The following HIVEP3 variants were observed in gnomAD, a reference collection of about 807,000 sequenced individuals.
HIVEP3 encodes HIVEP zinc finger 3, also known as transcription factor HIVEP3.
In HIVEP3, 49 loss-of-function variants were observed where a neutral mutation model predicts 152.8. The observed-to-expected ratio is 0.32, with a 90% CI of 0.26 to 0.41. HIVEP3 has a LOEUF of 0.41. Ranked by LOEUF, HIVEP3 falls within the 10% of genes least tolerant of loss-of-function variation. HIVEP3 has a pLI of 1.00. For synonymous variants in HIVEP3, 1,269 were observed against 1,289.0 expected, an observed-to-expected ratio of 0.98 and a Z score of 0.33; for missense variants, 2,790 against 3,103.3, an observed-to-expected ratio of 0.90 and a Z score of 2.40.
chr1:41,575,669 A>C lies in HIVEP3; in HGVS notation c.5082T>G (p.Val1694=), dbSNP rs377313064. 2 of 1,613,986 alleles carry C rather than the reference A, an allele frequency of 1.2e-6. No individual in the cohort carries two copies. The highest frequency in any genetic ancestry group is 2.7e-5 in the African/African-American group (2 of 74,918). The change falls in exon 5 of 9, where the codon GTT becomes GTG. Residue 1694 remains valine (V), a synonymous_variant. Coordinates refer to ENST00000372583, the MANE Select transcript of HIVEP3 (RefSeq NM_024503.5). ...CTAGATCTTTCTGGCCTTCCGGGGAAACCAGTGAAGGGAGGTGAACCTGGC... is the reference window on the plus strand; with the variant it reads ...CTAGATCTTTCTGGCCTTCCGGGGACACCAGTGAAGGGAGGTGAACCTGGC... ...RMTEVHLPSL[V]SPEGQKDLAR...
chr1:41,634,872 A>T (rs1267423095), intron 2 of HIVEP3, among the ~76,000 whole-genome samples: 1 of 152,188 alleles, frequency 6.6e-6, no homozygotes, highest in African/African-American at 2.4e-5. Flanking sequence ...AATCACAAGG[A>T]GGAGGTAAAG....
At chr1:41,673,971 C>G (rs930327855) in intron 2 of HIVEP3, among the ~76,000 whole-genome samples, 1 of 152,226 alleles carries the variant, frequency 6.6e-6, no homozygotes, top group African/African-American at 2.4e-5. Context: ...GAAAAGGAAA[C>G]AGGCACAGAG....
intron 5 of HIVEP3, among the ~76,000 whole-genome samples, chr1:41,568,894 T>A (rs1644209722): frequency 1.3e-5 from 2 of 152,168 alleles, no homozygotes; most frequent in African/African-American, 4.8e-5. Flanking sequence ...AGATGGGGCC[T>A]GGTGGGAGGT....
intron 1 of HIVEP3, among the ~76,000 whole-genome samples, chr1:41,769,816 A>G (rs1000850622): frequency 9.9e-5 from 15 of 152,244 alleles, no homozygotes; most frequent in Admixed American, 9.2e-4. Flanking sequence ...AAATAAATGG[A>G]TAAATGGGGA....
At chr1:41,619,822 G>A (rs1027728253) in intron 3 of HIVEP3, among the ~76,000 whole-genome samples, 14 of 152,126 alleles carry the variant, frequency 9.2e-5, no homozygotes, top group African/African-American at 1.2e-4. Flanking sequence ...AACCAGCCCC[G>A]GTAGAGCAGC....
intron 1 of HIVEP3, among the ~76,000 whole-genome samples, chr1:42,010,555 A>T (rs183919763): frequency 6.6e-6 from 1 of 152,292 alleles, no homozygotes; most frequent in Admixed American, 6.5e-5. Flanking sequence ...TTCAAAGGAA[A>T]GTAGGGCACT....
At chr1:41,596,190 C>G (rs1644663388) in intron 3 of HIVEP3, among the ~76,000 whole-genome samples, 2 of 152,124 alleles carry the variant, frequency 1.3e-5, no homozygotes, top group Non-Finnish European at 2.9e-5. Context: ...CTCATTATGT[C>G]AAGCAGATCT....
intron 5 of HIVEP3, among the ~76,000 whole-genome samples, chr1:41,532,053 T>G (rs1569785700): frequency 2.3e-5 from 2 of 87,552 alleles, no homozygotes; most frequent in Non-Finnish European, 2.2e-5. Flanking sequence ...ACAGGAGAGA[T>G]GGAGGACAGG....
chr1:41,797,841 G>A (rs769661175), intron 1 of HIVEP3, among the ~76,000 whole-genome samples: 1 of 151,992 alleles, frequency 6.6e-6, no homozygotes, highest in Admixed American at 6.6e-5. Flanking sequence ...TAAAAAATTA[G>A]CCAGGCATGG....
intron 3 of HIVEP3, among the ~76,000 whole-genome samples, chr1:41,607,065 C>G (rs897810626): frequency 6.6e-6 from 1 of 152,098 alleles, no homozygotes; most frequent in Non-Finnish European, 1.5e-5. Context: ...CTTAGGCAAT[C>G]CTCCCACCTC....
intron 5 of HIVEP3, among the ~76,000 whole-genome samples, chr1:41,526,965 C>T: frequency 1.2e-5 from 1 of 86,428 alleles, no homozygotes; most frequent in Non-Finnish European, 2.4e-5. Flanking sequence ...CCCACTCATC[C>T]TCACACTCAC....
intron 3 of HIVEP3, among the ~76,000 whole-genome samples, chr1:41,590,095 C>A (rs1644565077): frequency 6.6e-6 from 1 of 152,158 alleles, no homozygotes; most frequent in Non-Finnish European, 1.5e-5. Flanking sequence ...GAGCAGAATT[C>A]TTCACTTGCA....
rs10655770 is a variant in HIVEP3 at position 41,598,806 on chromosome 1, G to GTTATTTATTTATTTATTTAT, written c.-521-13508_-521-13489dup. ...ACTCCCACACATACAGTCACATGAT[G>GTTATTTATTTATTTATTTAT]TTATTTATTTATTTATTTATTTATT... On this transcript the variant is annotated intron_variant, in intron 3 of 8. Coordinates refer to ENST00000372583, the MANE Select transcript of HIVEP3 (RefSeq NM_024503.5). 4.8e-5 allele frequency among the ~76,000 whole-genome samples: 7 copies of GTTATTTATTTATTTATTTAT among 147,124 alleles called. No individual in the cohort carries two copies. The South Asian group carries it at 6.6e-4, about 14-fold the overall frequency.
At chr1:41,763,756 G>T (rs563528326) in intron 1 of HIVEP3, among the ~76,000 whole-genome samples, 48 of 152,306 alleles carry the variant, frequency 3.2e-4, no homozygotes, top group African/African-American at 1.1e-3. Context: ...TTGTGTTAGT[G>T]GAGGTAAAAT....
chr1:41,712,471 A>C (rs540330463), intron 1 of HIVEP3, among the ~76,000 whole-genome samples: 8 of 152,220 alleles, frequency 5.3e-5, no homozygotes, highest in Non-Finnish European at 8.8e-5. Context: ...AGGGTGTGTA[A>C]GCACCGAAAA....
rs71781188 is a variant in HIVEP3, at chr1:41,952,434, A to ATTCC, written n.120-33911_120-33910insGGAA. The stretch of plus-strand genomic sequence containing the variant: ...TTCATTTTCTTTTGTTCATTCATTC[A>ATTCC]TTCATTCATTCATTCATTGTGAAGT... On this transcript the variant is annotated intron_variant and non_coding_transcript_variant, in intron 1 of 3. Coordinates refer to the HIVEP3 transcript ENST00000489103. Among the ~76,000 whole-genome samples the ATTCC allele has an allele frequency of 8.2e-3, 1,244 of 152,080 alleles. 18 individuals carry two copies. The highest frequency in any genetic ancestry group is 0.029 in the African/African-American group (1,201 of 41,442).
intron 1 of HIVEP3, among the ~76,000 whole-genome samples, chr1:41,799,342 T>C (rs1650167199): frequency 6.6e-6 from 1 of 152,232 alleles, no homozygotes; most frequent in Admixed American, 6.5e-5. Flanking sequence ...CTAGAACTGT[T>C]TGTGGTTCCT....
chr1:41,902,145 G>A (rs1359775488), intron 1 of HIVEP3, among the ~76,000 whole-genome samples: 1 of 152,192 alleles, frequency 6.6e-6, no homozygotes, highest in Admixed American at 6.5e-5. Flanking sequence ...CCCAGTTTAA[G>A]TGGAGGCTTA....
intron 6 of HIVEP3, among the ~76,000 whole-genome samples, chr1:41,519,969 T>A (rs1229588804): frequency 6.6e-6 from 1 of 152,080 alleles, no homozygotes; most frequent in Admixed American, 6.6e-5. Context: ...AATGGATACA[T>A]GCACTATTAC....
Sources: gnomAD v4.1 joint callset for allele counts (sites outside exome capture counted in the v4.1 genomes callset) on GRCh38, gnomAD v4.1.1 for gene constraint, MANE v1.5 for transcripts, NCBI Gene and HGNC (gene_info 2026-07-23, HGNC 2026-07-21) for gene names.